Variants in RCBTB1 observed in about 807,000 individuals in gnomAD.
RCBTB1 encodes RCC1 and BTB domain-containing protein 1.
In RCBTB1, 46 loss-of-function variants were observed where a neutral mutation model predicts 62.4. That is an observed-to-expected ratio of 0.74 (90% CI 0.58 to 0.94). RCBTB1 has a LOEUF of 0.94. RCBTB1 is among the 40% of genes least tolerant of loss of function. The probability of loss-of-function intolerance (pLI) is 0.00; values close to 1 mark genes in which losing one functional copy is unlikely to be tolerated. For missense variants in RCBTB1, 565 were observed against 654.9 expected (o/e 0.86, Z 1.50); for synonymous variants, 222 against 245.8 (o/e 0.90, Z 0.91).
intron 1 of RCBTB1, 135 bp from the exon 2 acceptor site, chr13:49,580,719 A>T (rs1964048390): frequency 6.6e-6 from 1 of 152,236 alleles, no homozygotes; most frequent in Admixed American, 6.5e-5. Flanking sequence ...ATACCCCAAA[A>T]GTGATTTCAT....
chr13:49,574,414 C>T (rs1243986193), intron 2 of RCBTB1, among the ~76,000 whole-genome samples: 1 of 152,148 alleles, frequency 6.6e-6, no homozygotes, highest in African/African-American at 2.4e-5. Context: ...CCACCATGCT[C>T]GGCCAGTCCC....
intron 2 of RCBTB1, among the ~76,000 whole-genome samples, chr13:49,572,662 G>A (rs1195095945): frequency 7.9e-5 from 12 of 152,128 alleles, no homozygotes; most frequent in African/African-American, 2.7e-4. Context: ...AATTACCCCG[G>A]GTGTGGTGGC....
intron 2 of RCBTB1, among the ~76,000 whole-genome samples, chr13:49,569,711 C>G (rs529273848): frequency 2.4e-3 from 339 of 140,848 alleles, no homozygotes; most frequent in Non-Finnish European, 2.9e-3. Context: ...AGTGAGAGAC[C>G]CTGTCTCAAA....
chr13:49,563,692 G>T (rs1261019631), intron 4 of RCBTB1, among the ~76,000 whole-genome samples: 1 of 152,156 alleles, frequency 6.6e-6, no homozygotes, highest in Non-Finnish European at 1.5e-5. Context: ...CCAGTGTGAT[G>T]CCAGAAGGCA....
chr13:49,552,409 T>TG lies in RCBTB1; in HGVS notation c.604-125dup, dbSNP rs1488149945. 1.5e-5 allele frequency: 9 copies of TG among 590,946 alleles called. No homozygotes were observed. The East Asian group carries it at 2.4e-4, about 15-fold the overall frequency. 36.6% of individuals were successfully genotyped at this position (590,946 alleles called of 1,614,324 possible). ...ACACCTATATTCTACTCTATGCTCCTGCAACTGATCTCCAAACAGAAGCTA... is the reference window on the plus strand; with the variant it reads ...ACACCTATATTCTACTCTATGCTCCTGGCAACTGATCTCCAAACAGAAGCTA... On this transcript the variant is annotated intron_variant, in intron 6 of 12. Coordinates refer to ENST00000378302, the MANE Select transcript of RCBTB1 (RefSeq NM_018191.4).
intron 4 of RCBTB1, among the ~76,000 whole-genome samples, chr13:49,561,524 A>G (rs552919640): frequency 6.6e-6 from 1 of 152,356 alleles, no homozygotes; most frequent in Admixed American, 6.5e-5. Flanking sequence ...GAAATGTCCA[A>G]ACTAATGAGT....
chr13:49,568,556 C>T (rs528957367), intron 2 of RCBTB1, among the ~76,000 whole-genome samples: 3 of 152,222 alleles, frequency 2.0e-5, no homozygotes, highest in Non-Finnish European at 4.4e-5. Context: ...ACCCTTCCCA[C>T]ACAGCGTACT....
At chr13:49,554,740 A>G (rs7328126) in intron 6 of RCBTB1, among the ~76,000 whole-genome samples, 37,238 of 152,094 alleles carry the variant, frequency 0.24, 5,904 homozygotes, top group African/African-American at 0.44. Context: ...ATGCTTGATG[A>G]TCTGAGGTGG....
At chr13:49,579,642 A>C (rs908513006) in intron 2 of RCBTB1, among the ~76,000 whole-genome samples, 8 of 150,702 alleles carry the variant, frequency 5.3e-5, no homozygotes, top group Non-Finnish European at 1.2e-4. Context: ...AAAAAAAAGA[A>C]TGAAAGGGAA....
intron 2 of RCBTB1, among the ~76,000 whole-genome samples, chr13:49,576,177 C>CAAAAAAA (rs71078868): frequency 1.8e-4 from 7 of 39,982 alleles, no homozygotes; most frequent in East Asian, 1.0e-3. Flanking sequence ...ACAGGCGTCG[C>CAAAAAAA]AAAAAAAAAA....
At chr13:49,567,341 C>T in intron 2 of RCBTB1, 21 bp from the exon 3 acceptor site, 1 of 1,559,790 alleles carries the variant, frequency 6.4e-7, no homozygotes, top group Non-Finnish European at 8.7e-7. Context: ...AGAAAGGATT[C>T]CAGAAAAAAA....
chr13:49,555,662 C>A lies in RCBTB1; in HGVS notation c.456G>T (p.Trp152Cys). The A allele has an allele frequency of 6.3e-7, 1 of 1,586,894 alleles. No homozygotes were observed. Among genetic ancestry groups the A allele is most frequent in the Non-Finnish European group, 8.6e-7 (1 of 1,166,296 alleles). Reference protein sequence around the residue: ...ALAADGEVFAWGYNNCGQVGS... With the variant: ...ALAADGEVFACGYNNCGQVGS... ...CCACTTGGCCACAGTTGTTATAACCCCAAGCAAACACCTACAAGAGAAAGA... is the reference window on the plus strand; with the variant it reads ...CCACTTGGCCACAGTTGTTATAACCACAAGCAAACACCTACAAGAGAAAGA... The change falls in exon 6 of 13, where the codon TGG becomes TGT. Residue 152 changes from tryptophan (W) to cysteine (C), a missense_variant. Coordinates refer to ENST00000378302, the MANE Select transcript of RCBTB1 (RefSeq NM_018191.4).
intron 5 of RCBTB1, among the ~76,000 whole-genome samples, chr13:49,559,111 T>C (rs1426104142): frequency 6.6e-6 from 1 of 152,256 alleles, no homozygotes; most frequent in Non-Finnish European, 1.5e-5. Flanking sequence ...ACTGGTTTCA[T>C]TACATGTCTT....
intron 1 of RCBTB1, among the ~76,000 whole-genome samples, chr13:49,580,787 A>C (rs1413789654): frequency 6.6e-6 from 1 of 152,238 alleles, no homozygotes; most frequent in Non-Finnish European, 1.5e-5. Context: ...ACCTAAAGCC[A>C]AACTGAAATT....
chr13:49,547,621 A>G (rs1304174863), intron 9 of RCBTB1, among the ~76,000 whole-genome samples: 5 of 152,236 alleles, frequency 3.3e-5, no homozygotes, highest in African/African-American at 1.2e-4. Flanking sequence ...AGAAGACAAT[A>G]TTCAGAAAAG....
intron 10 of RCBTB1, among the ~76,000 whole-genome samples, 176 bp downstream of exon 10, chr13:49,544,561 C>T (rs922995124): frequency 6.6e-6 from 1 of 152,152 alleles, no homozygotes; most frequent in South Asian, 2.1e-4. Context: ...CTAAAACGCT[C>T]CATGAGTGTA....
intron 1 of RCBTB1, among the ~76,000 whole-genome samples, chr13:49,580,864 G>A (rs1439609069): frequency 1.3e-5 from 2 of 152,202 alleles, no homozygotes; most frequent in African/African-American, 4.8e-5. Flanking sequence ...ACAGGACACA[G>A]AGCCAACACC....
At chr13:49,565,598 TGG>T (rs1962902115) in intron 4 of RCBTB1, among the ~76,000 whole-genome samples, 1 of 132,274 alleles carries the variant, frequency 7.6e-6, no homozygotes, top group African/African-American at 3.2e-5. Context: ...GCCCATCGTC[TGG>T]GATGTGAGGA....
chr13:49,544,964 C>CT, intron 9 of RCBTB1, 101 bp from the exon 10 acceptor site: 1 of 930,500 alleles, frequency 1.1e-6, no homozygotes, highest in Non-Finnish European at 1.6e-6. Flanking sequence ...GATAATTCCA[C>CT]TTGTTTTTTT....
Sources: allele counts gnomAD v4.1 joint callset (sites outside exome capture counted in the v4.1 genomes callset), GRCh38; gene constraint gnomAD v4.1.1; transcripts MANE v1.5; gene names NCBI Gene and HGNC (gene_info 2026-07-23, HGNC 2026-07-21).